Variants in DGKB observed in about 807,000 individuals in gnomAD.
DGKB encodes the protein 90 kDa diacylglycerol kinase.
DGKB carries 67 observed loss-of-function variants against 114.3 expected under a neutral mutation model. That is an observed-to-expected ratio of 0.59 (90% CI 0.48 to 0.72). The LOEUF is 0.72. DGKB is among the 30% of genes least tolerant of loss of function. The pLI is 0.00. For missense variants in DGKB, 907 were observed against 975.2 expected (o/e 0.93, Z 0.93); for synonymous variants, 398 against 323.1 (o/e 1.23, Z -2.49).
intron 13 of DGKB, among the ~76,000 whole-genome samples, chr7:14,660,288 G>T (rs2128921783): frequency 6.6e-6 from 1 of 151,794 alleles, no homozygotes; most frequent in East Asian, 2.0e-4. Context: ...CTATTGATTG[G>T]AATAGTTTCA....
intron 23 of DGKB, among the ~76,000 whole-genome samples, chr7:14,253,038 AT>A (rs557165578): frequency 0.015 from 2,082 of 142,134 alleles, 31 homozygotes; most frequent in African/African-American, 0.042. Context: ...GTTTAAATTC[AT>A]TTTTTTTTTT....
At chr7:14,884,886 T>C (rs17150083) in intron 1 of DGKB, among the ~76,000 whole-genome samples, 2,222 of 152,050 alleles carry the variant, frequency 0.015, 58 homozygotes, top group African/African-American at 0.044. Flanking sequence ...AGTGAAACAA[T>C]ATTAACCTCA....
intron 1 of DGKB, among the ~76,000 whole-genome samples, chr7:14,925,299 C>T (rs1406054773): frequency 6.6e-6 from 1 of 152,118 alleles, no homozygotes; most frequent in Non-Finnish European, 1.5e-5. Flanking sequence ...AGGAGTAAAA[C>T]CATTGAGTCA....
intron 20 of DGKB, among the ~76,000 whole-genome samples, chr7:14,511,849 A>C (rs763300008): frequency 6.6e-6 from 1 of 152,096 alleles, no homozygotes; most frequent in Non-Finnish European, 1.5e-5. Context: ...GAGGCCCGAG[A>C]AGAAGGCGAA....
chr7:14,751,005 T>C (rs1407515078), intron 4 of DGKB, among the ~76,000 whole-genome samples: 2 of 151,870 alleles, frequency 1.3e-5, no homozygotes, highest in African/African-American at 2.4e-5. Context: ...TATTTTACCA[T>C]GTTGGCCAGG....
At chr7:14,415,539 C>A (rs565423061) in intron 21 of DGKB, among the ~76,000 whole-genome samples, 36 of 151,296 alleles carry the variant, frequency 2.4e-4, no homozygotes, top group South Asian at 1.5e-3. Context: ...TTTGTTCTTG[C>A]GATAGTTTGC....
intron 13 of DGKB, among the ~76,000 whole-genome samples, chr7:14,658,798 T>C (rs1469759723): frequency 6.6e-6 from 1 of 151,998 alleles, no homozygotes; most frequent in Non-Finnish European, 1.5e-5. Context: ...ATTTTAATAC[T>C]AAAGAATATT....
At chr7:14,327,655 A>G (rs999670467) in intron 23 of DGKB, among the ~76,000 whole-genome samples, 3 of 152,026 alleles carry the variant, frequency 2.0e-5, no homozygotes, top group Non-Finnish European at 4.4e-5. Context: ...GCATTTTCCT[A>G]CTTTTAGACT....
rs1782776702 is a variant in DGKB, at chr7:14,480,163, C to G, written c.1771-1938G>C. ...CAGGAGGGAGAAGAGAGGGGAGAGA[C>G]AGCAAAAGACCATTTAAGTAGACTA... is the stretch of plus-strand genomic sequence containing the variant. On this transcript the variant is annotated intron_variant, in intron 20 of 25. Coordinates refer to ENST00000402815, the MANE Select transcript of DGKB (RefSeq NM_001350709.2). Among the ~76,000 whole-genome samples, 3 of 151,782 alleles carry G rather than the reference C, an allele frequency of 2.0e-5. No homozygotes were observed. In the South Asian group the frequency reaches 6.2e-4, roughly 31 times the overall value.
intron 1 of DGKB, among the ~76,000 whole-genome samples, chr7:14,875,903 A>C (rs796937432): frequency 6.6e-6 from 1 of 152,084 alleles, no homozygotes; most frequent in Admixed American, 6.5e-5. Flanking sequence ...TTCTTCTTCC[A>C]ATGTGGCCCA....
At chr7:14,830,957 G>C (rs568101890) in intron 2 of DGKB, among the ~76,000 whole-genome samples, 12 of 152,012 alleles carry the variant, frequency 7.9e-5, no homozygotes, top group Middle Eastern at 3.2e-3. Flanking sequence ...GTGAATATCT[G>C]TGTGTTAAGA....
Position 14,474,041 on chromosome 7 carries a change from T to A in DGKB, c.1835+4120A>T, listed in dbSNP as rs139391318. ...ATGAATTAAGACTTTGGGGGACTATTGGGAAGGCATGATTGGTTTTGAAAT... is the reference window on the plus strand; with the variant it reads ...ATGAATTAAGACTTTGGGGGACTATAGGGAAGGCATGATTGGTTTTGAAAT... On this transcript the variant is annotated intron_variant, in intron 21 of 25. Transcript: ENST00000402815. 1.5e-3 allele frequency among the ~76,000 whole-genome samples: 226 copies of A among 152,298 alleles called. 1 individual carries two copies. Among genetic ancestry groups the A allele is most frequent in the African/African-American group, 5.1e-3 (212 of 41,564 alleles).
chr7:14,643,185 T>A (rs1362490345), intron 13 of DGKB, among the ~76,000 whole-genome samples: 2 of 152,298 alleles, frequency 1.3e-5, no homozygotes, highest in Middle Eastern at 6.8e-3. Flanking sequence ...AGGATCAGCA[T>A]AGAGGCAGGA....
chr7:14,516,307 A>G (rs1264282475), intron 20 of DGKB, among the ~76,000 whole-genome samples: 5 of 152,210 alleles, frequency 3.3e-5, no homozygotes, highest in African/African-American at 4.8e-5. Flanking sequence ...AAAGACAAAA[A>G]ATATGTCTAT....
intron 21 of DGKB, among the ~76,000 whole-genome samples, chr7:14,463,252 G>A (rs1191611473): frequency 6.6e-6 from 1 of 152,036 alleles, no homozygotes; most frequent in East Asian, 1.9e-4. Flanking sequence ...GGGGGTGGGG[G>A]GCCTAGGGAA....
chr7:14,968,162 T>C lies in DGKB; in HGVS notation c.-188+6534A>G, dbSNP rs183603219. On this transcript the variant is annotated intron_variant, in intron 1 of 4. Coordinates refer to the DGKB transcript ENST00000437998. ...TCAAGACAAGTTTGATCTTTGTTCT[T>C]GTCTTTTTTTTCAACAAAACATTAA... Among the ~76,000 whole-genome samples, 700 of 152,248 alleles carry C rather than the reference T, an allele frequency of 4.6e-3. 6 individuals are homozygous for C. Among genetic ancestry groups the C allele is most frequent in the Non-Finnish European group, 7.9e-3 (540 of 68,012 alleles).
intron 23 of DGKB, among the ~76,000 whole-genome samples, chr7:14,241,823 AAATT>A (rs1433892805): frequency 1.3e-5 from 2 of 152,078 alleles, no homozygotes; most frequent in Non-Finnish European, 2.9e-5. Context: ...ACATGACTGA[AAATT>A]AATGATTAAA....
At chr7:14,322,614 A>T (rs189478004) in intron 23 of DGKB, among the ~76,000 whole-genome samples, 25 of 152,324 alleles carry the variant, frequency 1.6e-4, no homozygotes, top group Non-Finnish European at 7.3e-5. Flanking sequence ...GATACATTGG[A>T]CTTTAATAAA....
intron 6 of DGKB, among the ~76,000 whole-genome samples, chr7:14,704,605 C>A (rs1825846336): frequency 1.3e-5 from 2 of 151,938 alleles, no homozygotes; most frequent in Admixed American, 1.3e-4. Flanking sequence ...GTTCTCCCAG[C>A]ACGCAGCTGA....
Sources: allele counts gnomAD v4.1 joint callset (sites outside exome capture counted in the v4.1 genomes callset), GRCh38; gene constraint gnomAD v4.1.1; transcripts MANE v1.5; gene names NCBI Gene and HGNC (gene_info 2026-07-23, HGNC 2026-07-21).